Variants in SLC22A14 observed in about 807,000 individuals in gnomAD.
SLC22A14 encodes the protein solute carrier family 22 member 14, also known as organic cation transporter-like 4.
In SLC22A14, 50 loss-of-function variants were observed where a neutral mutation model predicts 53.9. The observed-to-expected ratio is 0.93, with a 90% CI of 0.74 to 1.17. The LOEUF is 1.17. Among genes scored for constraint, SLC22A14 ranks in the 50% most tolerant of loss-of-function variants. The pLI is 0.00. For missense variants in SLC22A14, 671 were observed against 734.7 expected (o/e 0.91, Z 1.00); for synonymous variants, 312 against 303.0 (o/e 1.03, Z -0.31).
rs867504422 is a variant in SLC22A14 at position 38,307,810 on chromosome 3, T to A, written c.775+90T>A. The A allele has an allele frequency of 6.9e-7, 1 of 1,449,022 alleles. No individual in the cohort carries two copies. 89.8% of individuals were successfully genotyped at this position (1,449,022 alleles called of 1,614,324 possible). On this transcript the variant is annotated intron_variant, in intron 4 of 10. Transcript: ENST00000448498. The surrounding 1 kb of genome is among the most constrained non-coding windows in gnomAD (Gnocchi z 4.4). The stretch of plus-strand genomic sequence containing the variant: ...CAAGGGGACATAGTGGCAGGGGGCG[T>A]GGCGGCATAGGCAGATGGCAAGGGG...
chr3:38,309,177 G>A (rs777456478), intron 5 of SLC22A14, 55 bp downstream of exon 5: 15 of 1,458,258 alleles, frequency 1.0e-5, no homozygotes, highest in Admixed American at 1.0e-4. Flanking sequence ...GCTGGATGTC[G>A]ATGAGTATGG....
chr3:38,298,222 C>T (rs568127465), intron 1 of SLC22A14, among the ~76,000 whole-genome samples: 1 of 152,252 alleles, frequency 6.6e-6, no homozygotes, highest in South Asian at 2.1e-4. Context: ...AGGGTGCTTT[C>T]TTGCTTTCTG....
intron 1 of SLC22A14, among the ~76,000 whole-genome samples, chr3:38,283,391 C>CTCT (rs1187824060): frequency 6.6e-6 from 1 of 152,162 alleles, no homozygotes; most frequent in African/African-American, 2.4e-5. Context: ...TCTAAGCATG[C>CTCT]TCTCCCTCTG....
At position 38,308,000 on chromosome 3, in the gene SLC22A14, T is replaced by C. The variant is rs900823871; in HGVS notation, c.775+280T>C. 1 of 490,888 alleles carries C rather than the reference T, an allele frequency of 2.0e-6. No homozygotes were observed. Among genetic ancestry groups the C allele is most frequent in the African/African-American group, 1.9e-5 (1 of 51,422 alleles). The allele number at this position is 490,888 out of a possible 1,614,324, so 30.4% of individuals were successfully genotyped here. On this transcript the variant is annotated intron_variant, in intron 4 of 10. Coordinates refer to ENST00000448498, the MANE Select transcript of SLC22A14 (RefSeq NM_001320033.2). This position sits in a 1 kb window ranked among gnomAD's most constrained non-coding sequence, Gnocchi z 4.4. ...CAGAGAATCAGTGCCCTGACTGCCC[T>C]TCCACCTTCATCCTCCTTCCTAACT...
intron 8 of SLC22A14, 133 bp from the exon 9 acceptor site, chr3:38,315,421 TCTGA>T: frequency 1.1e-5 from 10 of 916,496 alleles, no homozygotes; most frequent in Non-Finnish European, 1.6e-5. Context: ...TGGCTGGGCC[TCTGA>T]CAACCTGCCA....
At chr3:38,279,296 A>G (rs1442662196), upstream of SLC22A14, among the ~76,000 whole-genome samples, 2 of 152,198 alleles carry the variant, frequency 1.3e-5, no homozygotes, top group African/African-American at 2.4e-5. Flanking sequence ...TCAGGCTGAA[A>G]CTGCCAAGGG....
chr3:38,306,554 C>A lies in SLC22A14; in HGVS notation c.516+12C>A. Reference sequence around the variant, plus strand: ...CGCTGATCAATGAGGTATGTCTTGTCATGGGTTGTCTGTAACTACCCTACA... The same window carrying A: ...CGCTGATCAATGAGGTATGTCTTGTAATGGGTTGTCTGTAACTACCCTACA... On this transcript the variant is annotated intron_variant, in intron 2 of 10. Transcript: ENST00000448498. 2 of 1,599,838 alleles carry A rather than the reference C, an allele frequency of 1.3e-6. No individual in the cohort carries two copies. Among genetic ancestry groups the A allele is most frequent in the South Asian group, 2.3e-5 (2 of 88,304 alleles).
intron 1 of SLC22A14, among the ~76,000 whole-genome samples, chr3:38,284,191 G>C (rs1022393955): frequency 1.3e-5 from 2 of 152,158 alleles, no homozygotes; most frequent in African/African-American, 4.8e-5. Flanking sequence ...AGGGAAAGGG[G>C]ACTCCTCCTC....
At chr3:38,313,153 C>T (rs779294519) in intron 6 of SLC22A14, 34 bp downstream of exon 6, 2 of 1,606,802 alleles carry the variant, frequency 1.2e-6, no homozygotes, top group Non-Finnish European at 1.7e-6. Flanking sequence ...GGGGCCGGAG[C>T]AGTGGGCTGT....
Position 38,315,541 on chromosome 3 carries a change from T to G in SLC22A14, c.1379-17T>G, listed in dbSNP as rs760511518. ...TCAAGGGAGGGCTGATGAGTGGAAC[T>G]CCTTCACCCACCCCAGGGGAGGATG... On this transcript the variant is annotated splice_polypyrimidine_tract_variant and intron_variant, in intron 8 of 10. Coordinates refer to ENST00000448498, the MANE Select transcript of SLC22A14 (RefSeq NM_001320033.2). 2 of 1,610,352 alleles carry G rather than the reference T, an allele frequency of 1.2e-6. No homozygotes were observed. The highest frequency in any genetic ancestry group is 1.7e-6 in the Non-Finnish European group (2 of 1,177,922).
intron 1 of SLC22A14, among the ~76,000 whole-genome samples, chr3:38,301,740 T>C (rs1704164479): frequency 6.8e-6 from 1 of 147,256 alleles, no homozygotes; most frequent in Non-Finnish European, 1.5e-5. Flanking sequence ...AATGTTTCCT[T>C]TTTAGGATTT....
intron 1 of SLC22A14, among the ~76,000 whole-genome samples, chr3:38,283,722 C>T (rs1166851311): frequency 3.9e-5 from 6 of 151,984 alleles, no homozygotes; most frequent in Admixed American, 2.6e-4. Flanking sequence ...ACCAGCTACT[C>T]GGGAGGCTGA....
chr3:38,296,791 C>T (rs947278403), intron 1 of SLC22A14, among the ~76,000 whole-genome samples: 9 of 152,146 alleles, frequency 5.9e-5, no homozygotes, highest in South Asian at 2.1e-4. Flanking sequence ...GGGATGAACC[C>T]GGGCACTTAG....
upstream of SLC22A14, among the ~76,000 whole-genome samples, chr3:38,279,705 TAGC>T (rs1013086478): frequency 6.6e-6 from 1 of 152,122 alleles, no homozygotes; most frequent in African/African-American, 2.4e-5. Context: ...AAGTGTCCTT[TAGC>T]AGTCACTGAT....
chr3:38,316,499 A>G lies in SLC22A14; in HGVS notation c.1708A>G (p.Ser570Gly). 1 of 1,613,968 alleles carries G rather than the reference A, an allele frequency of 6.2e-7. No homozygotes were observed. The highest frequency in any genetic ancestry group is 8.5e-7 in the Non-Finnish European group (1 of 1,179,974). ...PETRDQPLSE[S>G]LNHSSQIRNK... ...AACGCGAGATCAGCCCCTCTCCGAGAGCCTGAACCACTCCTCACAGATAAG... is the reference window on the plus strand; with the variant it reads ...AACGCGAGATCAGCCCCTCTCCGAGGGCCTGAACCACTCCTCACAGATAAG... The change falls in exon 10 of 11, where the codon AGC becomes GGC. Residue 570 changes from serine (S) to glycine (G), a missense_variant. By Grantham distance (56) the Ser-to-Gly change is moderately conservative (BLOSUM62 0). Transcript: ENST00000448498.
chr3:38,280,600 G>A (rs960597634), upstream of SLC22A14, among the ~76,000 whole-genome samples: 1 of 151,880 alleles, frequency 6.6e-6, no homozygotes, highest in African/African-American at 2.4e-5. Context: ...GCTGTTATTG[G>A]GGCTCTTCTC....
intron 10 of SLC22A14, 144 bp downstream of exon 10, chr3:38,316,668 T>C (rs780944558): frequency 7.0e-6 from 5 of 716,462 alleles, no homozygotes; most frequent in Non-Finnish European, 1.1e-5. Context: ...CAGCAGTCTC[T>C]CCGCTCCTCT....
At position 38,318,412 on chromosome 3, in the gene SLC22A14, G is replaced by A; in HGVS notation, c.*163G>A. On this transcript the variant is annotated 3_prime_UTR_variant, in exon 11 of 11. Transcript: ENST00000448498. ...TCTTGGGTTGGAATTGAGTGGCCAA[G>A]TATGGGGTCATGGATTCCAGGCCAC... 1.5e-6 allele frequency: 1 copy of A among 673,836 alleles called. No homozygotes were observed. The highest frequency in any genetic ancestry group is 2.7e-6 in the Non-Finnish European group (1 of 373,798). 41.7% of individuals were successfully genotyped at this position (673,836 alleles called of 1,614,324 possible).
At chr3:38,301,536 C>T (rs939929683) in intron 1 of SLC22A14, among the ~76,000 whole-genome samples, 3 of 152,114 alleles carry the variant, frequency 2.0e-5, no homozygotes, top group Non-Finnish European at 2.9e-5. Flanking sequence ...TCACATTATA[C>T]GCAGCTACCT....
Sources: allele counts gnomAD v4.1 joint callset (sites outside exome capture counted in the v4.1 genomes callset), GRCh38; gene constraint gnomAD v4.1.1; non-coding constraint Gnocchi (gnomAD v3.1); transcripts MANE v1.5; gene names NCBI Gene and HGNC (gene_info 2026-07-23, HGNC 2026-07-21).